INPP5B: variants seen among roughly 807,000 people sequenced by gnomAD.
INPP5B encodes the protein type II inositol 1,4,5-trisphosphate 5-phosphatase.
In INPP5B, 90 loss-of-function variants were observed where a neutral mutation model predicts 118.5. That is an observed-to-expected ratio of 0.76 (90% CI 0.64 to 0.90). INPP5B has a LOEUF of 0.90. Ranked by LOEUF, INPP5B falls within the 40% of genes least tolerant of loss-of-function variation. The pLI is 0.00. For synonymous variants in INPP5B, 385 were observed against 418.9 expected, an observed-to-expected ratio of 0.92 and a Z score of 0.99; for missense variants, 984 against 1,125.6, an observed-to-expected ratio of 0.87 and a Z score of 1.80.
intron 7 of INPP5B, among the ~76,000 whole-genome samples, chr1:37,928,243 A>G (rs1645315207): frequency 6.6e-6 from 1 of 151,896 alleles, no homozygotes; most frequent in Admixed American, 6.6e-5. Context: ...CCGCGATCTC[A>G]GCTCACTGCA....
chr1:37,934,996 G>C (rs1311963004), intron 6 of INPP5B, among the ~76,000 whole-genome samples: 1 of 150,894 alleles, frequency 6.6e-6, no homozygotes, highest in Admixed American at 6.6e-5. Context: ...TCAGGAGATC[G>C]AGACCATCCT....
chr1:37,894,214 G>A (rs907565145), intron 7 of INPP5B, among the ~76,000 whole-genome samples: 1 of 152,130 alleles, frequency 6.6e-6, no homozygotes, highest in African/African-American at 2.4e-5. Flanking sequence ...GCTGGATTTG[G>A]CCTATAGGCT....
intron 7 of INPP5B, chr1:37,931,105 C>G (rs1030962387): frequency 2.3e-5 from 4 of 171,098 alleles, no homozygotes; most frequent in African/African-American, 9.6e-5. Flanking sequence ...CATTATCCAC[C>G]AACTGCTGGG....
chr1:37,876,241 C>T (rs979667202), intron 16 of INPP5B, among the ~76,000 whole-genome samples: 1 of 151,578 alleles, frequency 6.6e-6, no homozygotes, highest in African/African-American at 2.4e-5. Context: ...GTAGCTGAGA[C>T]CACAGACACA....
chr1:37,905,380 G>C (rs1411230609), intron 7 of INPP5B, among the ~76,000 whole-genome samples: 2 of 151,956 alleles, frequency 1.3e-5, no homozygotes, highest in Non-Finnish European at 2.9e-5. Context: ...CTCCAGGCTG[G>C]GTGACAAAGC....
At chr1:37,928,160 G>A (rs968287117) in intron 7 of INPP5B, among the ~76,000 whole-genome samples, 6 of 151,816 alleles carry the variant, frequency 4.0e-5, no homozygotes, top group African/African-American at 1.2e-4. Context: ...TTCTCCTGCC[G>A]TGAATCAAAA....
intron 16 of INPP5B, among the ~76,000 whole-genome samples, chr1:37,876,761 T>C (rs1642855256): frequency 6.7e-6 from 1 of 148,676 alleles, no homozygotes; most frequent in South Asian, 2.1e-4. Context: ...CTGCCTGTAG[T>C]CCCAGCTACT....
intron 7 of INPP5B, among the ~76,000 whole-genome samples, chr1:37,914,159 T>C (rs529646705): frequency 1.3e-5 from 2 of 152,234 alleles, no homozygotes; most frequent in Admixed American, 6.5e-5. Context: ...ACTCTTCACA[T>C]GGAAGCACGT....
At chr1:37,878,344 TG>T in intron 15 of INPP5B, 21 bp from the exon 16 acceptor site, 1 of 1,613,264 alleles carries the variant, frequency 6.2e-7, no homozygotes, top group Non-Finnish European at 8.5e-7. Flanking sequence ...AAGTCCACAC[TG>T]GAAGTACTCA....
intron 6 of INPP5B, among the ~76,000 whole-genome samples, chr1:37,939,236 C>T (rs535024073): frequency 6.7e-6 from 1 of 148,908 alleles, no homozygotes; most frequent in Non-Finnish European, 1.5e-5. Context: ...TGGTGGTGGG[C>T]GCCTGTAATC....
At chr1:37,915,645 G>A (rs1484256700) in intron 7 of INPP5B, among the ~76,000 whole-genome samples, 1 of 152,208 alleles carries the variant, frequency 6.6e-6, no homozygotes, top group Non-Finnish European at 1.5e-5. Flanking sequence ...CACATATGCT[G>A]TATTTGTATG....
At chr1:37,885,967 C>A in intron 12 of INPP5B, 142 bp from the exon 13 acceptor site, 2 of 665,740 alleles carry the variant, frequency 3.0e-6, no homozygotes, top group Non-Finnish European at 5.2e-6. Flanking sequence ...ATCATGAGGT[C>A]AGGAGTTCAA....
intron 7 of INPP5B, among the ~76,000 whole-genome samples, chr1:37,909,657 A>C (rs1335787794): frequency 6.6e-6 from 1 of 152,194 alleles, no homozygotes; most frequent in East Asian, 1.9e-4. Context: ...GAGGGGCCAG[A>C]AGGCTGTCTT....
rs553459951 is a variant in INPP5B, at chr1:37,896,583, G to A, written c.533-5129C>T. Among the ~76,000 whole-genome samples, 251 of 144,222 alleles carry A rather than the reference G, an allele frequency of 1.7e-3. 3 individuals carry two copies. Among genetic ancestry groups the A allele is most frequent in the East Asian group, 0.014 (64 of 4,540 alleles). 94.6% of individuals were successfully genotyped at this position (144,222 alleles called of 152,430 possible). ...GCCCCTCTGCCCGGCCAGCCGCTCC[G>A]TCCGGGAAGGAGGTGGGGGGGTCAG... On this transcript the variant is annotated intron_variant, in intron 7 of 23. Coordinates refer to ENST00000373024, the MANE Select transcript of INPP5B (RefSeq NM_005540.3).
At chr1:37,921,146 T>C (rs969720792) in intron 7 of INPP5B, among the ~76,000 whole-genome samples, 15 of 152,296 alleles carry the variant, frequency 9.8e-5, no homozygotes, top group Middle Eastern at 3.4e-3. Context: ...GATCCTCTTA[T>C]GGAATTTTTG....
intron 19 of INPP5B, among the ~76,000 whole-genome samples, chr1:37,872,141 C>T (rs1642492768): frequency 2.0e-5 from 3 of 146,828 alleles, no homozygotes; most frequent in East Asian, 2.0e-4. Context: ...CCGAGATGGG[C>T]GGATCACCTG....
intron 6 of INPP5B, among the ~76,000 whole-genome samples, chr1:37,937,499 G>A (rs775478618): frequency 9.9e-5 from 15 of 152,060 alleles, no homozygotes; most frequent in Non-Finnish European, 2.1e-4. Flanking sequence ...AGGGACAGTC[G>A]CTCACGCCTG....
intron 7 of INPP5B, among the ~76,000 whole-genome samples, chr1:37,919,157 G>C (rs1181912464): frequency 6.6e-6 from 1 of 152,190 alleles, no homozygotes; most frequent in Non-Finnish European, 1.5e-5. Flanking sequence ...GATGTGAATA[G>C]AAGGTTTAAA....
At chr1:37,908,516 T>C (rs940006802) in intron 7 of INPP5B, among the ~76,000 whole-genome samples, 7 of 149,202 alleles carry the variant, frequency 4.7e-5, no homozygotes, top group African/African-American at 1.7e-4. Context: ...GGCGGGAGGA[T>C]AGCTTGAGCC....
Sources: gnomAD v4.1 joint callset for allele counts (sites outside exome capture counted in the v4.1 genomes callset) on GRCh38, gnomAD v4.1.1 for gene constraint, MANE v1.5 for transcripts, NCBI Gene and HGNC (gene_info 2026-07-23, HGNC 2026-07-21) for gene names.